The following STXBP5 variants were observed in gnomAD, a reference collection of about 807,000 sequenced individuals.
The protein encoded by STXBP5 is syntaxin binding protein 5.
In STXBP5, 50 loss-of-function variants were observed where a neutral mutation model predicts 152.4. The observed-to-expected ratio is 0.33, with a 90% confidence interval of 0.26 to 0.42. The LOEUF (loss-of-function observed/expected upper bound fraction) is 0.42. Among genes scored for constraint, STXBP5 ranks in the 10% least tolerant of loss-of-function variants. The pLI is 1.00. For missense variants in STXBP5, 1,167 were observed against 1,388.6 expected (o/e 0.84, Z 2.54); for synonymous variants, 492 against 494.7 (o/e 0.99, Z 0.07).
chr6:147,254,996 G>A (rs1582848496), intron 4 of STXBP5, among the ~76,000 whole-genome samples: 2 of 152,050 alleles, frequency 1.3e-5, no homozygotes, highest in Admixed American at 1.3e-4. Flanking sequence ...TAAATCATTC[G>A]ACTATAAAGA....
At chr6:147,292,880 T>G (rs987581029) in intron 9 of STXBP5, 1 of 152,156 alleles carries the variant, frequency 6.6e-6, no homozygotes, top group African/African-American at 2.4e-5. Context: ...ACTTTTCCTT[T>G]CATAGAATTA....
chr6:147,351,987 G>A, intron 21 of STXBP5: 1 of 698,108 alleles, frequency 1.4e-6, no homozygotes, highest in Non-Finnish European at 1.8e-6. Flanking sequence ...TTTCACATAG[G>A]AAGCACTTTT....
chr6:147,368,030 G>A (rs1785374059), intron 25 of STXBP5, among the ~76,000 whole-genome samples: 1 of 152,044 alleles, frequency 6.6e-6, no homozygotes, highest in South Asian at 2.1e-4. Context: ...TAGGAACCTT[G>A]GACCAAGAAA....
intron 4 of STXBP5, among the ~76,000 whole-genome samples, chr6:147,249,174 C>T (rs1778965411): frequency 6.6e-6 from 1 of 152,056 alleles, no homozygotes; most frequent in South Asian, 2.1e-4. Context: ...TATTAAGTGA[C>T]TGCACCTCTA....
intron 21 of STXBP5, among the ~76,000 whole-genome samples, chr6:147,345,482 A>T (rs1301507578): frequency 1.3e-5 from 2 of 152,174 alleles, no homozygotes; most frequent in African/African-American, 2.4e-5. Context: ...TTTAACACAA[A>T]TACATTCCAA....
intron 2 of STXBP5, among the ~76,000 whole-genome samples, 195 bp downstream of exon 2, chr6:147,206,263 T>C (rs549349629): frequency 3.3e-4 from 51 of 152,302 alleles, no homozygotes; most frequent in South Asian, 1.4e-3. Flanking sequence ...CAGCTCCTAG[T>C]TTATAGTAGC....
At chr6:147,323,500 T>G (rs984800950) in intron 16 of STXBP5, among the ~76,000 whole-genome samples, 2 of 152,000 alleles carry the variant, frequency 1.3e-5, no homozygotes, top group African/African-American at 4.8e-5. Context: ...CAGGCGATTC[T>G]CCTGCCTCAG....
intron 8 of STXBP5, among the ~76,000 whole-genome samples, chr6:147,283,929 A>G (rs937589501): frequency 1.3e-4 from 20 of 152,264 alleles, no homozygotes; most frequent in Admixed American, 7.2e-4. Flanking sequence ...TTTCTAGAAC[A>G]TCACTGTCCA....
chr6:147,322,650 C>A (rs1403975358), intron 16 of STXBP5, among the ~76,000 whole-genome samples: 1 of 152,160 alleles, frequency 6.6e-6, no homozygotes, highest in East Asian at 1.9e-4. Context: ...TTAAGAATTG[C>A]GGAAGTAACC....
rs780870401 is a variant in STXBP5 at position 147,364,113 on chromosome 6, C to T, written c.3028C>T (p.Pro1010Ser). The stretch of plus-strand genomic sequence containing the variant: ...TGGACAAGCATTATACCTTGTTTCA[C>T]CTACAGAAATCCAGAGACTTACTTA... ...NNGQALYLVS[P>S]TEIQRLTYSQ... Residue 1010 changes from proline to serine, a missense_variant, in exon 25 of 28, where the codon CCT becomes TCT. Physicochemically the swap from Pro to Ser is moderately conservative, Grantham distance 74. Coordinates refer to ENST00000321680, the MANE Select transcript of STXBP5 (RefSeq NM_001127715.4). 1.2e-6 allele frequency: 2 copies of T among 1,613,860 alleles called. No homozygotes were observed. The highest frequency in any genetic ancestry group is 1.1e-5 in the South Asian group (1 of 91,062).
At chr6:147,365,243 A>G (rs1785242246) in intron 25 of STXBP5, among the ~76,000 whole-genome samples, 4 of 152,212 alleles carry the variant, frequency 2.6e-5, no homozygotes, top group African/African-American at 9.6e-5. Flanking sequence ...ATTAGATTTA[A>G]ATTCCCATTT....
chr6:147,302,804 G>A (rs947288293), intron 9 of STXBP5, among the ~76,000 whole-genome samples: 5 of 152,114 alleles, frequency 3.3e-5, no homozygotes, highest in African/African-American at 9.7e-5. Context: ...GATTCACAAG[G>A]GAAAATGCAT....
intron 2 of STXBP5, among the ~76,000 whole-genome samples, chr6:147,212,467 T>C (rs1399120942): frequency 6.6e-6 from 1 of 152,218 alleles, no homozygotes; most frequent in African/African-American, 2.4e-5. Flanking sequence ...ACTTACCTTG[T>C]ATAAGTCAAC....
At chr6:147,306,842 C>T (rs1440331621) in intron 9 of STXBP5, among the ~76,000 whole-genome samples, 3 of 152,190 alleles carry the variant, frequency 2.0e-5, no homozygotes, top group Non-Finnish European at 2.9e-5. Flanking sequence ...GTCTCACTAT[C>T]GCTCCTGTGG....
At chr6:147,377,992 TTTAA>T (rs1785893651) in intron 26 of STXBP5, among the ~76,000 whole-genome samples, 3 of 152,312 alleles carry the variant, frequency 2.0e-5, no homozygotes, top group Admixed American at 2.0e-4. Context: ...TTTGACGGAA[TTTAA>T]TTGTTTTACC....
chr6:147,339,275 TTTAA>T, intron 20 of STXBP5, 37 bp downstream of exon 20: 1 of 1,509,396 alleles, frequency 6.6e-7, no homozygotes, highest in Non-Finnish European at 8.9e-7. Flanking sequence ...TTCTTTTATG[TTTAA>T]TTTATTTAGT....
chr6:147,207,046 A>G (rs1409819732), intron 2 of STXBP5, among the ~76,000 whole-genome samples: 1 of 152,144 alleles, frequency 6.6e-6, no homozygotes, highest in Non-Finnish European at 1.5e-5. Flanking sequence ...TATTGTCAAA[A>G]AAAAGAAAAG....
rs765811022 is a variant in STXBP5 at position 147,359,076 on chromosome 6, C to G, written c.2306-8C>G. ...TGAGCAATCTCACAACATTTTTAAC[C>G]ATTTCAGATGTAAAGGATAACTCCT... On this transcript the variant is annotated splice_region_variant and splice_polypyrimidine_tract_variant and intron_variant, in intron 22 of 27. Transcript: ENST00000321680. 1 of 1,609,906 alleles carries G rather than the reference C, an allele frequency of 6.2e-7. No homozygotes were observed. Among genetic ancestry groups the G allele is most frequent in the Non-Finnish European group, 8.5e-7 (1 of 1,177,292 alleles).
intron 2 of STXBP5, among the ~76,000 whole-genome samples, chr6:147,219,940 CTCT>C (rs1425226520): frequency 1.3e-5 from 2 of 150,890 alleles, no homozygotes; most frequent in Non-Finnish European, 3.0e-5. Flanking sequence ...GTTCAGTTTC[CTCT>C]TCTTTTTGTA....
Sources: gnomAD v4.1 joint callset for allele counts (sites outside exome capture counted in the v4.1 genomes callset) on GRCh38, gnomAD v4.1.1 for gene constraint, MANE v1.5 for transcripts, NCBI Gene and HGNC (gene_info 2026-07-23, HGNC 2026-07-21) for gene names.